Variants in CDA observed in about 807,000 individuals in gnomAD.
CDA encodes cytidine aminohydrolase.
CDA carries 7 observed loss-of-function variants against 15.0 expected under a neutral mutation model. The observed-to-expected ratio is 0.47, with a 90% CI of 0.26 to 0.87. The LOEUF (loss-of-function observed/expected upper bound fraction) is 0.87, where lower values mean the gene tolerates loss of function less well. Ranked by LOEUF, CDA falls within the 40% of genes least tolerant of loss-of-function variation. CDA has a pLI of 0.15. For missense variants in CDA, 159 were observed against 182.7 expected (o/e 0.87, Z 0.75); for synonymous variants, 58 against 73.0 (o/e 0.79, Z 1.05).
At chr1:20,610,195 G>A (rs1038993240) in intron 2 of CDA, among the ~76,000 whole-genome samples, 1 of 151,464 alleles carries the variant, frequency 6.6e-6, no homozygotes, top group Admixed American at 6.6e-5. Context: ...ATATTTGTTG[G>A]TTGAAGTGAG....
chr1:20,597,962 G>A (rs35182793), intron 1 of CDA, among the ~76,000 whole-genome samples: 1 of 149,874 alleles, frequency 6.7e-6, no homozygotes, highest in Non-Finnish European at 1.5e-5. Context: ...TCCAAATACA[G>A]TTATTCCTCT....
intron 1 of CDA, among the ~76,000 whole-genome samples, chr1:20,596,021 C>T (rs1282133197): frequency 2.0e-5 from 3 of 151,660 alleles, no homozygotes; most frequent in African/African-American, 7.3e-5. Context: ...TGGTGGCAGG[C>T]GCCTGTAATC....
chr1:20,604,917 T>C lies in CDA; in HGVS notation c.155-11T>C. ...TGCCAGACATACCACTGGACTCTGCTCTCTTCTCAGGGTGCAACATAGAAA... is the reference window on the plus strand; with the variant it reads ...TGCCAGACATACCACTGGACTCTGCCCTCTTCTCAGGGTGCAACATAGAAA... On this transcript the variant is annotated splice_polypyrimidine_tract_variant and intron_variant, in intron 1 of 3. Transcript: ENST00000375071. 6.3e-7 allele frequency: 1 copy of C among 1,576,902 alleles called. No individual in the cohort carries two copies. Among genetic ancestry groups the C allele is most frequent in the Non-Finnish European group, 8.7e-7 (1 of 1,148,356 alleles).
At chr1:20,591,355 A>G (rs2052547502) in intron 1 of CDA, among the ~76,000 whole-genome samples, 1 of 143,812 alleles carries the variant, frequency 7.0e-6, no homozygotes, top group African/African-American at 2.9e-5. Flanking sequence ...ACAAACAAAC[A>G]AAAAAAAACA....
chr1:20,611,104 G>C (rs891769288), intron 2 of CDA, among the ~76,000 whole-genome samples: 1 of 152,168 alleles, frequency 6.6e-6, no homozygotes, highest in African/African-American at 2.4e-5. Context: ...GTCAAGTGCG[G>C]TGGTGCGTGA....
intron 1 of CDA, among the ~76,000 whole-genome samples, chr1:20,597,487 T>A (rs374496331): frequency 2.0e-5 from 3 of 152,186 alleles, no homozygotes; most frequent in Admixed American, 1.3e-4. Flanking sequence ...CCAGGATGCA[T>A]GTTTTGGCCT....
chr1:20,597,578 A>G lies in CDA; in HGVS notation c.155-7350A>G, dbSNP rs2052602198. Among the ~76,000 whole-genome samples the G allele has an allele frequency of 2.0e-5, 3 of 152,384 alleles. No individual in the cohort carries two copies. In the South Asian group the frequency reaches 6.2e-4, roughly 32 times the overall value. On this transcript the variant is annotated intron_variant, in intron 1 of 3. Transcript: ENST00000375071. The stretch of plus-strand genomic sequence containing the variant: ...CCTTACCCAACAGTTAAAAGGATTA[A>G]CTGACCTTATGCAGGTAAAGCACTC...
At chr1:20,600,652 A>C (rs1050168351) in intron 1 of CDA, among the ~76,000 whole-genome samples, 15 of 150,810 alleles carry the variant, frequency 9.9e-5, no homozygotes, top group African/African-American at 3.4e-4. Context: ...GCTATTAGGG[A>C]GGCTGAGATG....
chr1:20,589,479 T>C (rs1335383227), intron 1 of CDA, among the ~76,000 whole-genome samples, 196 bp downstream of exon 1: 1 of 152,054 alleles, frequency 6.6e-6, no homozygotes. Context: ...AAATCCAGGG[T>C]CTTTCAATGC....
Position 20,607,959 on chromosome 1 carries a change from G to T in CDA, c.266+2920G>T, listed in dbSNP as rs191488804. ...CAGACAGATGAGACTGCCCCACTGG[G>T]TCCCAGCTGTAGTGATCAGAGTCAG... is the stretch of plus-strand genomic sequence containing the variant. On this transcript the variant is annotated intron_variant, in intron 2 of 3. Transcript: ENST00000375071. Among the ~76,000 whole-genome samples, 44 of 152,306 alleles carry T rather than the reference G, an allele frequency of 2.9e-4. No homozygotes were observed. The East Asian group carries it at 8.5e-3, about 29-fold the overall frequency.
chr1:20,593,965 C>T (rs184898647), intron 1 of CDA, among the ~76,000 whole-genome samples: 61 of 152,292 alleles, frequency 4.0e-4, no homozygotes, highest in African/African-American at 1.3e-3. Flanking sequence ...GAGCAGGGGG[C>T]ACCTGGACAC....
At chr1:20,605,108 T>TATTCATTC (rs75720390) in intron 2 of CDA, 69 bp downstream of exon 2, 7 of 902,750 alleles carry the variant, frequency 7.8e-6, no homozygotes, top group South Asian at 2.8e-5. Context: ...TTACACATAT[T>TATTCATTC]ATTCATTCAT....
At chr1:20,610,040 G>A (rs60452008) in intron 2 of CDA, among the ~76,000 whole-genome samples, 30 of 29,684 alleles carry the variant, frequency 1.0e-3, no homozygotes, top group African/African-American at 2.5e-3. Flanking sequence ...TCCACTTGAC[G>A]CATGGTTGGT....
chr1:20,593,983 A>G (rs1368257573), intron 1 of CDA, among the ~76,000 whole-genome samples: 1 of 152,190 alleles, frequency 6.6e-6, no homozygotes, highest in Non-Finnish European at 1.5e-5. Flanking sequence ...CACCCAGAGG[A>G]AGCCTGGTGT....
intron 3 of CDA, among the ~76,000 whole-genome samples, chr1:20,618,190 GCTCTTATAAAGCC>G (rs1461257821): frequency 1.6e-5 from 2 of 127,584 alleles, no homozygotes; most frequent in African/African-American, 3.0e-5. Context: ...GTTAGCTGTT[GCTCTTATAAAGCC>G]CTGGGTGAGT....
chr1:20,614,314 C>A (rs1365413103), intron 3 of CDA, among the ~76,000 whole-genome samples: 3 of 151,940 alleles, frequency 2.0e-5, no homozygotes, highest in Non-Finnish European at 4.4e-5. Flanking sequence ...AGTCCAGTGA[C>A]AAACGGGCAA....
chr1:20,594,775 C>T lies in CDA; in HGVS notation c.154+5492C>T, dbSNP rs1570376300. On this transcript the variant is annotated intron_variant, in intron 1 of 3. Transcript: ENST00000375071. ...CTGCACTCCAGCCTGGGCGACAGAG[C>T]GAGACGCCATCTCAAAAAAAAAAAA... Among the ~76,000 whole-genome samples the T allele has an allele frequency of 2.9e-5, 4 of 136,418 alleles. No homozygotes were observed. In the East Asian group the frequency reaches 6.3e-4, roughly 21 times the overall value. The allele number at this position is 136,418 out of a possible 152,430, so 89.5% of individuals were successfully genotyped here.
intron 2 of CDA, among the ~76,000 whole-genome samples, chr1:20,613,054 G>A (rs1323735319): frequency 6.6e-6 from 1 of 151,680 alleles, no homozygotes; most frequent in South Asian, 2.1e-4. Context: ...GCCTGGTACA[G>A]AGCCTGGCAT....
rs749588307 is a variant in CDA, at chr1:20,604,914, T to C, written c.155-14T>C. 37 of 1,562,276 alleles carry C rather than the reference T, an allele frequency of 2.4e-5. No homozygotes were observed. The highest frequency in any genetic ancestry group is 3.2e-5 in the Non-Finnish European group (36 of 1,135,590). On this transcript the variant is annotated splice_polypyrimidine_tract_variant and intron_variant, in intron 1 of 3. Transcript: ENST00000375071. ...CTCTGCCAGACATACCACTGGACTCTGCTCTCTTCTCAGGGTGCAACATAG... is the reference window on the plus strand; with the variant it reads ...CTCTGCCAGACATACCACTGGACTCCGCTCTCTTCTCAGGGTGCAACATAG...
Sources: allele counts gnomAD v4.1 joint callset (sites outside exome capture counted in the v4.1 genomes callset), GRCh38; gene constraint gnomAD v4.1.1; transcripts MANE v1.5; gene names NCBI Gene and HGNC (gene_info 2026-07-23, HGNC 2026-07-21).